The following TSHZ2 variants were observed in gnomAD, a reference collection of about 807,000 sequenced individuals.
TSHZ2 encodes teashirt zinc finger homeobox 2.
TSHZ2 carries 21 observed loss-of-function variants against 74.4 expected under a neutral mutation model. The observed-to-expected ratio is 0.28, with a 90% CI of 0.20 to 0.41. The LOEUF (loss-of-function observed/expected upper bound fraction) is 0.41. Ranked by LOEUF, TSHZ2 falls within the 10% of genes least tolerant of loss-of-function variation. The pLI, the probability that TSHZ2 is intolerant of heterozygous loss-of-function variation, is 1.00. For synonymous variants in TSHZ2, 540 were observed against 515.3 expected, an observed-to-expected ratio of 1.05 and a Z score of -0.65; for missense variants, 1,244 against 1,293.5, an observed-to-expected ratio of 0.96 and a Z score of 0.59.
rs6097371 is a variant in TSHZ2 at position 53,354,957 on chromosome 20, T to C, written c.*8+98386T>C. ...GCCTTATAATGGTGTTTTTCCATTT[T>C]TTTCTTTGATTGGGCAAGGGGGTTG... is the stretch of plus-strand genomic sequence containing the variant. On this transcript the variant is annotated intron_variant, in intron 2 of 2. Transcript: ENST00000371497. Among the ~76,000 whole-genome samples the C allele has an allele frequency of 7.6e-3, 1,152 of 152,300 alleles. 18 individuals are homozygous for C. The highest frequency in any genetic ancestry group is 0.026 in the African/African-American group (1,061 of 41,538).
intron 2 of TSHZ2, among the ~76,000 whole-genome samples, chr20:53,423,806 A>G (rs1337880571): frequency 1.3e-5 from 2 of 152,202 alleles, no homozygotes; most frequent in African/African-American, 4.8e-5. Context: ...CCACACTGTC[A>G]AGTAATCAAC....
chr20:53,293,833 T>C (rs1014791958), intron 2 of TSHZ2, among the ~76,000 whole-genome samples: 6 of 151,668 alleles, frequency 4.0e-5, no homozygotes, highest in Non-Finnish European at 8.8e-5. Flanking sequence ...CTGGACAACA[T>C]GGTGAAACCC....
chr20:53,457,378 G>A (rs1477337937), intron 2 of TSHZ2, among the ~76,000 whole-genome samples: 32 of 106,264 alleles, frequency 3.0e-4, no homozygotes, highest in African/African-American at 5.8e-4. Flanking sequence ...TTGGTGTATA[G>A]GAATGCTTGT....
intron 1 of TSHZ2, among the ~76,000 whole-genome samples, chr20:53,045,094 C>T (rs965754814): frequency 2.0e-5 from 3 of 152,148 alleles, no homozygotes; most frequent in Non-Finnish European, 4.4e-5. Context: ...CTTAAAACAA[C>T]AAAGATGCAT....
intron 1 of TSHZ2, among the ~76,000 whole-genome samples, chr20:53,037,394 G>A (rs1050766715): frequency 6.6e-6 from 1 of 152,102 alleles, no homozygotes; most frequent in Middle Eastern, 3.2e-3. Flanking sequence ...TTTCTCCTGC[G>A]ACTTAAAAGA....
At chr20:53,338,082 G>A (rs994594714) in intron 2 of TSHZ2, among the ~76,000 whole-genome samples, 2 of 152,206 alleles carry the variant, frequency 1.3e-5, no homozygotes, top group South Asian at 2.1e-4. Context: ...ACCATAGTGT[G>A]TCCATGAAGT....
chr20:53,302,212 G>T (rs1978340360), intron 2 of TSHZ2, among the ~76,000 whole-genome samples: 1 of 152,148 alleles, frequency 6.6e-6, no homozygotes, highest in Admixed American at 6.5e-5. Flanking sequence ...CAACATCGGG[G>T]TTCAGAAGGA....
chr20:53,295,740 G>T (rs1359809564), intron 2 of TSHZ2, among the ~76,000 whole-genome samples: 1 of 152,144 alleles, frequency 6.6e-6, no homozygotes, highest in South Asian at 2.1e-4. Context: ...CTAAGTCTTG[G>T]AGCTGAGCTC....
intron 2 of TSHZ2, among the ~76,000 whole-genome samples, chr20:53,346,251 A>C (rs1568878630): frequency 6.6e-6 from 1 of 152,208 alleles, no homozygotes; most frequent in Non-Finnish European, 1.5e-5. Context: ...ATGCTAATTT[A>C]ATCTGTTCCT....
chr20:52,972,917 A>C lies in TSHZ2; in HGVS notation c.-377A>C. On this transcript the variant is annotated 5_prime_UTR_variant, in exon 1 of 3. Transcript: ENST00000371497. ...ATCCGAACCCGGGCTTGGATGTTTA[A>C]TAAAGAAATCAAGTGTCTCAACAGT... The C allele has an allele frequency of 7.3e-6, 2 of 273,926 alleles. No homozygotes were observed. The highest frequency in any genetic ancestry group is 1.3e-4 in the East Asian group (2 of 15,728). 17.0% of individuals were successfully genotyped at this position (273,926 alleles called of 1,614,324 possible).
Position 53,454,761 on chromosome 20 carries a change from T to C in TSHZ2, c.*9-32383T>C, listed in dbSNP as rs139817579. Among the ~76,000 whole-genome samples the C allele has an allele frequency of 6.5e-3, 994 of 152,156 alleles. 4 individuals are homozygous for C. The highest frequency in any genetic ancestry group is 0.037 in the South Asian group (180 of 4,814). On this transcript the variant is annotated intron_variant, in intron 2 of 2. Coordinates refer to ENST00000371497, the MANE Select transcript of TSHZ2 (RefSeq NM_173485.6). ...GGTTATGGTTTCTTTTGAGTAAACA[T>C]AGAAATTGACTCTCCCAGTCAATTT...
At chr20:53,380,010 A>C (rs954177196) in intron 2 of TSHZ2, among the ~76,000 whole-genome samples, 1 of 152,196 alleles carries the variant, frequency 6.6e-6, no homozygotes, top group Non-Finnish European at 1.5e-5. Flanking sequence ...AGTTTTGTGA[A>C]ACCGGTTCTC....
chr20:53,232,474 C>T (rs1568825683), intron 1 of TSHZ2, among the ~76,000 whole-genome samples: 1 of 152,192 alleles, frequency 6.6e-6, no homozygotes, highest in Admixed American at 6.5e-5. Context: ...CTGATCGAGG[C>T]TGATTTTACT....
chr20:53,401,697 C>T (rs1982666089), intron 2 of TSHZ2, among the ~76,000 whole-genome samples: 1 of 151,616 alleles, frequency 6.6e-6, no homozygotes, highest in South Asian at 2.1e-4. Context: ...CTCCAATTCA[C>T]AGGTTTCTGT....
chr20:53,470,646 C>A (rs184377987), intron 2 of TSHZ2, among the ~76,000 whole-genome samples: 51 of 152,056 alleles, frequency 3.4e-4, no homozygotes, highest in Non-Finnish European at 6.8e-4. Flanking sequence ...GTGAAACCCG[C>A]CTCCTAAAAA....
chr20:53,322,609 A>G (rs936279654), intron 2 of TSHZ2, among the ~76,000 whole-genome samples: 3 of 152,002 alleles, frequency 2.0e-5, no homozygotes, highest in African/African-American at 7.2e-5. Flanking sequence ...ACCTTTTTCT[A>G]GCTTTCTGCC....
chr20:53,101,068 G>T (rs1201963105), intron 1 of TSHZ2, among the ~76,000 whole-genome samples: 2 of 152,170 alleles, frequency 1.3e-5, no homozygotes, highest in East Asian at 1.9e-4. Flanking sequence ...CTATTATTTT[G>T]ATCATGGATA....
chr20:53,434,367 A>C (rs1600635592), intron 2 of TSHZ2, among the ~76,000 whole-genome samples: 1 of 152,164 alleles, frequency 6.6e-6, no homozygotes, highest in African/African-American at 2.4e-5. Context: ...TAGACCTTGA[A>C]CCCAAGCCCA....
chr20:53,128,404 G>A (rs981917244), intron 1 of TSHZ2, among the ~76,000 whole-genome samples: 1 of 152,116 alleles, frequency 6.6e-6, no homozygotes, highest in Non-Finnish European at 1.5e-5. Context: ...CTTCACTGGG[G>A]CCAGTGAATT....
Sources: allele counts gnomAD v4.1 joint callset (sites outside exome capture counted in the v4.1 genomes callset), GRCh38; gene constraint gnomAD v4.1.1; transcripts MANE v1.5; gene names NCBI Gene and HGNC (gene_info 2026-07-23, HGNC 2026-07-21).